The following POLR3E variants were observed in gnomAD, a reference collection of about 807,000 sequenced individuals.
POLR3E encodes DNA-directed RNA polymerase III subunit RPC5.
In POLR3E, 41 loss-of-function variants were observed where a neutral mutation model predicts 96.6. The ratio of observed to expected loss-of-function variants is 0.42; its 90% confidence interval spans 0.33 to 0.55. The LOEUF (loss-of-function observed/expected upper bound fraction) is 0.55, where lower values mean the gene tolerates loss of function less well. Ranked by LOEUF, POLR3E falls within the 20% of genes least tolerant of loss-of-function variation. POLR3E has a pLI of 0.06. For missense variants in POLR3E, 849 were observed against 952.1 expected, an observed-to-expected ratio of 0.89 and a Z score of 1.43; for synonymous variants, 396 against 383.6, an observed-to-expected ratio of 1.03 and a Z score of -0.38.
chr16:22,299,340 A>G (rs1282602801), intron 1 of POLR3E, among the ~76,000 whole-genome samples: 1 of 151,836 alleles, frequency 6.6e-6, no homozygotes, highest in East Asian at 1.9e-4. Flanking sequence ...GCTCATGGAA[A>G]GGAGTTTGGG....
At position 22,322,039 on chromosome 16, in the gene POLR3E, A is replaced by G. The variant is rs931594804; in HGVS notation, c.987-811A>G. Among the ~76,000 whole-genome samples the G allele has an allele frequency of 1.3e-5, 2 of 152,174 alleles. No individual in the cohort carries two copies. ...CCTGAATGCAGAGATCATGGCATGG[A>G]CCAGGTTTGTTTGGTCAGCACACAC... On this transcript the variant is annotated intron_variant, in intron 13 of 20. Transcript: ENST00000299853. The surrounding 1 kb of genome is among the most constrained non-coding windows in gnomAD (Gnocchi z 5.2).
chr16:22,309,247 A>G, intron 5 of POLR3E, 181 bp from the exon 6 acceptor site: 1 of 701,882 alleles, frequency 1.4e-6, no homozygotes, highest in East Asian at 2.5e-5. Flanking sequence ...TTGGTCTACA[A>G]ACAAGGCCAT....
Position 22,333,850 on chromosome 16 carries a change from G to C in POLR3E, c.*150G>C. The stretch of plus-strand genomic sequence containing the variant: ...GCATTGCACGGTGCAGTGGACAGAA[G>C]GGATTATCCTCAGCCAGTCGCAGGG... On this transcript the variant is annotated 3_prime_UTR_variant, in exon 21 of 21. Transcript: ENST00000299853. 2 of 593,354 alleles carry C rather than the reference G, an allele frequency of 3.4e-6. No individual in the cohort carries two copies. The highest frequency in any genetic ancestry group is 6.2e-6 in the Non-Finnish European group (2 of 323,754). 36.8% of individuals were successfully genotyped at this position (593,354 alleles called of 1,614,324 possible). A position where few individuals can be genotyped will look rare whatever the true frequency, so the allele number is the denominator to read the frequency against.
At chr16:22,329,927 T>TA (rs1353308085) in intron 19 of POLR3E, among the ~76,000 whole-genome samples, 2 of 151,532 alleles carry the variant, frequency 1.3e-5, no homozygotes, top group Non-Finnish European at 2.9e-5. Flanking sequence ...CACCAAAAGA[T>TA]ACCACTAAAA....
chr16:22,325,852 G>A lies in POLR3E; in HGVS notation c.1440G>A (p.Gln480=). Residue 480 remains glutamine, a synonymous_variant, in exon 18 of 21, where the codon CAG becomes CAA. Coordinates refer to ENST00000299853, the MANE Select transcript of POLR3E (RefSeq NM_018119.4). ...ACGCGTTGCTGGAGCGGGAGCTGCA[G>A]CGGCGGAAGGAGCAGCTGCGGGTGC... ...QNHALLEREL[Q]RRKEQLRVPA... 1.9e-6 allele frequency: 3 copies of A among 1,612,214 alleles called. No homozygotes were observed. Among genetic ancestry groups the A allele is most frequent in the Non-Finnish European group, 1.7e-6 (2 of 1,179,510 alleles).
intron 12 of POLR3E, among the ~76,000 whole-genome samples, chr16:22,317,641 G>T (rs566821448): frequency 1.6e-4 from 24 of 146,564 alleles, no homozygotes; most frequent in East Asian, 9.9e-4. Context: ...GGGGCTTTTT[G>T]TTGTTGTTGT....
chr16:22,297,905 G>A (rs890527467), intron 1 of POLR3E, among the ~76,000 whole-genome samples: 9 of 152,240 alleles, frequency 5.9e-5, no homozygotes, highest in Non-Finnish European at 1.0e-4. Flanking sequence ...GAGAAGGGGG[G>A]CCTGACCACC....
intron 8 of POLR3E, 104 bp downstream of exon 8, chr16:22,314,232 C>T (rs76285775): frequency 0.017 from 14,893 of 900,170 alleles, 689 homozygotes; most frequent in East Asian, 0.14. Flanking sequence ...GCAGACAGGG[C>T]CCATGCTTTT....
At position 22,313,546 on chromosome 16, in the gene POLR3E, G is replaced by A. The variant is rs142154412; in HGVS notation, c.365-74G>A. ...TTTGATGGTGGGCCTAGGCCTTCAC[G>A]GGACTTGGTGACTCTCTTGAGCCAA... On this transcript the variant is annotated intron_variant, in intron 6 of 20. Coordinates refer to ENST00000299853, the MANE Select transcript of POLR3E (RefSeq NM_018119.4). This position sits in a 1 kb window ranked among gnomAD's most constrained non-coding sequence, Gnocchi z 4.1. 6.5e-3 allele frequency: 6,010 copies of A among 921,990 alleles called. 34 individuals carry two copies. The highest frequency in any genetic ancestry group is 8.2e-3 in the Non-Finnish European group (4,581 of 561,788). 57.1% of individuals were successfully genotyped at this position (921,990 alleles called of 1,614,324 possible).
At chr16:22,316,947 T>G (rs1598258865) in intron 10 of POLR3E, 48 bp from the exon 11 acceptor site, 1 of 1,598,018 alleles carries the variant, frequency 6.3e-7, no homozygotes, top group African/African-American at 1.3e-5. Flanking sequence ...GTGAGGAGGG[T>G]CCAGCCTGGA....
At chr16:22,309,307 T>A (rs2048196202) in intron 5 of POLR3E, 121 bp from the exon 6 acceptor site, 3 of 826,436 alleles carry the variant, frequency 3.6e-6, no homozygotes. Context: ...TAGGCTGCCC[T>A]GCGGCCTTGG....
rs1367305548 is a variant in POLR3E at position 22,322,180 on chromosome 16, G to A, written c.987-670G>A. 2.0e-5 allele frequency among the ~76,000 whole-genome samples: 3 copies of A among 152,220 alleles called. No individual in the cohort carries two copies. The highest frequency in any genetic ancestry group is 2.9e-5 in the Non-Finnish European group (2 of 68,036). On this transcript the variant is annotated intron_variant, in intron 13 of 20. Coordinates refer to ENST00000299853, the MANE Select transcript of POLR3E (RefSeq NM_018119.4). The surrounding 1 kb of genome is among the most constrained non-coding windows in gnomAD (Gnocchi z 5.2). ...GTTGGTTGCCAGGTGGACCTGAGCA[G>A]GGGGAGGAGGAGGGCTTGGCAGCAG...
At chr16:22,329,369 G>C (rs1295934321) in intron 19 of POLR3E, among the ~76,000 whole-genome samples, 1 of 152,190 alleles carries the variant, frequency 6.6e-6, no homozygotes, top group African/African-American at 2.4e-5. Flanking sequence ...AGAAATGTGA[G>C]TGGAAGCAGC....
In POLR3E at chr16:22,318,058, A is replaced by G. The variant is rs1478149656; in HGVS notation, c.866-768A>G. On this transcript the variant is annotated intron_variant, in intron 12 of 20. Transcript: ENST00000299853. The surrounding 1 kb of genome is among the most constrained non-coding windows in gnomAD (Gnocchi z 5.0). ...TAAGGAGAGAGGGGAGCTCCATGATATGCTCGGGATTTTAGGCTTCCTTCC... is the reference window on the plus strand; with the variant it reads ...TAAGGAGAGAGGGGAGCTCCATGATGTGCTCGGGATTTTAGGCTTCCTTCC... Among the ~76,000 whole-genome samples, 1 of 151,442 alleles carries G rather than the reference A, an allele frequency of 6.6e-6. No individual in the cohort carries two copies. The highest frequency in any genetic ancestry group is 2.4e-5 in the African/African-American group (1 of 41,168).
At chr16:22,324,316 G>T (rs763879009) in intron 14 of POLR3E, 38 bp from the exon 15 acceptor site, 1 of 1,582,964 alleles carries the variant, frequency 6.3e-7, no homozygotes, top group Non-Finnish European at 8.7e-7. Flanking sequence ...GGAGCAGTCC[G>T]TGGCCGCCCC....
intron 3 of POLR3E, chr16:22,305,576 A>C (rs1388444388): frequency 6.7e-6 from 3 of 449,674 alleles, no homozygotes; most frequent in Non-Finnish European, 1.3e-5. Context: ...ATAGGTCCCC[A>C]GGAGGACAGG....
chr16:22,308,479 G>T, intron 4 of POLR3E: 1 of 527,940 alleles, frequency 1.9e-6, no homozygotes, highest in Non-Finnish European at 3.4e-6. Context: ...GATAAGACGA[G>T]GGCGGGCGGG....
intron 19 of POLR3E, among the ~76,000 whole-genome samples, chr16:22,330,701 A>C (rs2048718794): frequency 6.6e-6 from 1 of 152,110 alleles, no homozygotes; most frequent in African/African-American, 2.4e-5. Context: ...AGTTGTCTGC[A>C]TTCTTTCATG....
chr16:22,328,497 G>C lies in POLR3E; in HGVS notation c.1867-13G>C. On this transcript the variant is annotated splice_polypyrimidine_tract_variant and intron_variant, in intron 18 of 20. Transcript: ENST00000299853. Reference sequence around the variant, plus strand: ...AGAGATGGACAAGCAACTCACCCCTGGGCCTTGGTCAGTTTCCCCCCCAGA... The same window carrying C: ...AGAGATGGACAAGCAACTCACCCCTCGGCCTTGGTCAGTTTCCCCCCCAGA... The C allele has an allele frequency of 1.9e-6, 3 of 1,612,658 alleles. No individual in the cohort carries two copies. Among genetic ancestry groups the C allele is most frequent in the Non-Finnish European group, 2.5e-6 (3 of 1,178,702 alleles).
Sources: allele counts gnomAD v4.1 joint callset (sites outside exome capture counted in the v4.1 genomes callset), GRCh38; gene constraint gnomAD v4.1.1; non-coding constraint Gnocchi (gnomAD v3.1); transcripts MANE v1.5; gene names NCBI Gene and HGNC (gene_info 2026-07-23, HGNC 2026-07-21).